ALDH9A1: variants seen among roughly 807,000 people sequenced by gnomAD.
The protein encoded by ALDH9A1 is 4-trimethylaminobutyraldehyde dehydrogenase.
Under a neutral mutation model 56.6 loss-of-function variants are expected in ALDH9A1, and 42 were observed. The observed-to-expected ratio is 0.74, with a 90% CI of 0.58 to 0.96. The LOEUF (loss-of-function observed/expected upper bound fraction) is 0.96. ALDH9A1 is among the 40% of genes least tolerant of loss of function. The pLI is 0.00. For missense variants in ALDH9A1, 661 were observed against 651.5 expected (o/e 1.01, Z -0.16); for synonymous variants, 242 against 236.0 (o/e 1.03, Z -0.23).
At chr1:165,664,565 T>G (rs1180587926) in intron 10 of ALDH9A1, among the ~76,000 whole-genome samples, 2 of 152,230 alleles carry the variant, frequency 1.3e-5, no homozygotes, top group Non-Finnish European at 2.9e-5. Flanking sequence ...TTAAAGATTT[T>G]GTTAATTTGA....
At chr1:165,679,323 A>T in intron 6 of ALDH9A1, 119 bp downstream of exon 6, 1 of 1,163,514 alleles carries the variant, frequency 8.6e-7, no homozygotes. Context: ...AATTCTTTGT[A>T]CTATTTGTGC....
At chr1:165,693,978 C>T (rs1479008009) in intron 2 of ALDH9A1, among the ~76,000 whole-genome samples, 1 of 150,748 alleles carries the variant, frequency 6.6e-6, no homozygotes, top group African/African-American at 2.4e-5. Flanking sequence ...GAAAACCAAA[C>T]ACTGCATGTT....
At chr1:165,667,062 T>C (rs16849238) in intron 9 of ALDH9A1, among the ~76,000 whole-genome samples, 2,351 of 151,386 alleles carry the variant, frequency 0.016, 62 homozygotes, top group African/African-American at 0.053. Context: ...ATGCTTTACA[T>C]AGATCAGAAT....
chr1:165,666,271 G>A (rs1649004262), intron 9 of ALDH9A1, among the ~76,000 whole-genome samples: 1 of 152,172 alleles, frequency 6.6e-6, no homozygotes, highest in Non-Finnish European at 1.5e-5. Flanking sequence ...AAGAGCAACA[G>A]TTAATGGGCA....
In ALDH9A1 at chr1:165,695,368, C is replaced by T; in HGVS notation, c.211G>A (p.Gly71Arg). The part of the protein sequence containing the change: ...GRVIATFTCS[G>R]EKEVNLAVQN... ...ACAGCCAAATTTACTTCCTTTTCTCCTGAACATGTGAAAGTAGCTATCACT... is the reference window on the plus strand; with the variant it reads ...ACAGCCAAATTTACTTCCTTTTCTCTTGAACATGTGAAAGTAGCTATCACT... The change falls in exon 2 of 11, where the codon GGA becomes AGA. Residue 71 changes from glycine (G) to arginine (R), a missense_variant. By Grantham distance (125) the Gly-to-Arg change is moderately radical. Transcript: ENST00000354775. The T allele has an allele frequency of 1.2e-6, 2 of 1,612,016 alleles. No homozygotes were observed. The highest frequency in any genetic ancestry group is 1.7e-6 in the Non-Finnish European group (2 of 1,179,170).
chr1:165,665,878 C>T (rs1362813660), intron 9 of ALDH9A1, among the ~76,000 whole-genome samples: 1 of 152,060 alleles, frequency 6.6e-6, no homozygotes, highest in Non-Finnish European at 1.5e-5. Context: ...CATAAAGTTA[C>T]CATGTTACCC....
intron 6 of ALDH9A1, among the ~76,000 whole-genome samples, chr1:165,673,979 T>C (rs1436146579): frequency 6.6e-6 from 1 of 152,110 alleles, no homozygotes. Flanking sequence ...ACCTTGCTGA[T>C]AAAACAAGCT....
chr1:165,663,292 G>A (rs1466461672), intron 10 of ALDH9A1, 148 bp from the exon 11 acceptor site: 4 of 675,948 alleles, frequency 5.9e-6, no homozygotes, highest in Non-Finnish European at 1.0e-5. Context: ...CCACATATTA[G>A]CTGTGAATGG....
At chr1:165,678,584 T>A (rs1207311001) in intron 6 of ALDH9A1, among the ~76,000 whole-genome samples, 1 of 152,128 alleles carries the variant, frequency 6.6e-6, no homozygotes, top group East Asian at 1.9e-4. Flanking sequence ...GAATCGTCAG[T>A]GGTGATAGAA....
In ALDH9A1 at chr1:165,665,127, G is replaced by A; in HGVS notation, c.1353C>T (p.Asp451=). The A allele has an allele frequency of 6.2e-7, 1 of 1,612,952 alleles. No individual in the cohort carries two copies. The change falls in exon 10 of 11, where the codon GAC becomes GAT. Residue 451 remains aspartate (D), a synonymous_variant. Transcript: ENST00000354775. The part of the protein sequence containing the change: ...FGLAAGVFTR[D]IQRAHRVVAE... ...CTACCACTCTATGAGCCCGTTGGAT[G>A]TCCCTATGAAGAAAAAAAAAATGTG... is the stretch of plus-strand genomic sequence containing the variant.
At chr1:165,698,293 G>A in intron 1 of ALDH9A1, 85 bp downstream of exon 1, 1 of 1,511,672 alleles carries the variant, frequency 6.6e-7, no homozygotes, top group Non-Finnish European at 8.8e-7. Flanking sequence ...AGTCAACGCT[G>A]CAGAACACAG....
At chr1:165,671,565 C>T in intron 6 of ALDH9A1, 1 of 455,006 alleles carries the variant, frequency 2.2e-6, no homozygotes, top group Non-Finnish European at 4.3e-6. Context: ...GCAGCAGTTG[C>T]TGTTCAAAAG....
chr1:165,673,736 C>G (rs1319619422), intron 6 of ALDH9A1, among the ~76,000 whole-genome samples: 1 of 152,102 alleles, frequency 6.6e-6, no homozygotes, highest in Non-Finnish European at 1.5e-5. Flanking sequence ...CCCTATTCAG[C>G]ATGAAAAAGT....
In ALDH9A1 at chr1:165,668,614, ATTCT is replaced by A. The variant is rs1446106010; in HGVS notation, c.1207+308_1207+311del. The A allele has an allele frequency of 1.9e-5, 4 of 213,368 alleles. 1 individual carries two copies. The highest frequency in any genetic ancestry group is 3.7e-5 in the Non-Finnish European group (4 of 108,432). 13.2% of individuals were successfully genotyped at this position (213,368 alleles called of 1,614,324 possible). ...ATGATCTACAGGTCACATGAAAAAC[ATTCT>A]TTATTTTCTCAAGGAATTAAATTTA... On this transcript the variant is annotated intron_variant, in intron 8 of 10. Coordinates refer to ENST00000354775, the MANE Select transcript of ALDH9A1 (RefSeq NM_000696.4).
rs770369888 is a variant in ALDH9A1, at chr1:165,683,007, T to C, written c.431A>G (p.Tyr144Cys). ...IDISWQCLEYYAGLAASMAGE... is the reference protein window; with the variant it reads ...IDISWQCLEYCAGLAASMAGE... Reference sequence around the variant, plus strand: ...AGCCATGGATGCAGCCAAGCCCGCATAATACTCCAGGCACTGCCAGGAAAT... The same window carrying C: ...AGCCATGGATGCAGCCAAGCCCGCACAATACTCCAGGCACTGCCAGGAAAT... Residue 144 changes from tyrosine (Y) to cysteine (C), a missense_variant, in exon 3 of 11, where the codon TAT becomes TGT. Coordinates refer to ENST00000354775, the MANE Select transcript of ALDH9A1 (RefSeq NM_000696.4). 15 of 1,613,932 alleles carry C rather than the reference T, an allele frequency of 9.3e-6. No individual in the cohort carries two copies. The highest frequency in any genetic ancestry group is 1.3e-5 in the Non-Finnish European group (15 of 1,179,962).
intron 10 of ALDH9A1, among the ~76,000 whole-genome samples, chr1:165,663,882 T>C (rs970997963): frequency 9.9e-5 from 15 of 152,252 alleles, no homozygotes; most frequent in African/African-American, 3.6e-4. Context: ...TCAGGCCTGT[T>C]AGGCCAGGTG....
At chr1:165,663,217 T>G (rs1648900732) in intron 10 of ALDH9A1, 73 bp from the exon 11 acceptor site, 11 of 1,206,952 alleles carry the variant, frequency 9.1e-6, no homozygotes, top group Non-Finnish European at 1.4e-5. Context: ...TCTTCAAAGA[T>G]GAGCACTGCT....
chr1:165,678,275 A>G (rs1394348823), intron 6 of ALDH9A1, among the ~76,000 whole-genome samples: 1 of 152,214 alleles, frequency 6.6e-6, no homozygotes, highest in Non-Finnish European at 1.5e-5. Flanking sequence ...CAGAGGATGC[A>G]GTGAGCCGAG....
chr1:165,667,496 G>A (rs1217048695), intron 8 of ALDH9A1, 46 bp from the exon 9 acceptor site: 5 of 1,599,930 alleles, frequency 3.1e-6, no homozygotes, highest in South Asian at 1.1e-5. Flanking sequence ...GGACCACAGT[G>A]TGCACCACCA....
Sources: allele counts gnomAD v4.1 joint callset (sites outside exome capture counted in the v4.1 genomes callset), GRCh38; gene constraint gnomAD v4.1.1; transcripts MANE v1.5; gene names NCBI Gene and HGNC (gene_info 2026-07-23, HGNC 2026-07-21).